ZFAT: variants seen among roughly 807,000 people sequenced by gnomAD.
ZFAT encodes zinc finger and AT-hook domain containing, also known as zinc finger protein ZFAT.
ZFAT carries 64 observed loss-of-function variants against 117.7 expected under a neutral mutation model. The observed-to-expected ratio is 0.54, with a 90% CI of 0.44 to 0.67. ZFAT has a LOEUF of 0.67. Ranked by LOEUF, ZFAT falls within the 30% of genes least tolerant of loss-of-function variation. The pLI is 0.00. For synonymous variants in ZFAT, 679 were observed against 615.0 expected (o/e 1.10, Z -1.54); for missense variants, 1,433 against 1,584.5 (o/e 0.90, Z 1.62).
the ZFAT span, among the ~76,000 whole-genome samples, chr8:134,771,869 T>C: frequency 6.6e-6 from 1 of 152,204 alleles, no homozygotes; most frequent in African/African-American, 2.4e-5. Flanking sequence ...CTCACAATCA[T>C]GGCAGAAGGC....
At chr8:134,593,915 G>A (rs1826717508) in intron 7 of ZFAT, among the ~76,000 whole-genome samples, 2 of 152,340 alleles carry the variant, frequency 1.3e-5, no homozygotes, top group South Asian at 2.1e-4. Flanking sequence ...AAAGAGATGT[G>A]TCAACACGTG....
At chr8:134,574,218 C>T (rs1360519996) in intron 10 of ZFAT, among the ~76,000 whole-genome samples, 1 of 152,096 alleles carries the variant, frequency 6.6e-6, no homozygotes, top group East Asian at 1.9e-4. Flanking sequence ...GAAGTTATTC[C>T]CAGCTGGATA....
At chr8:134,570,792 A>G (rs906666772) in intron 10 of ZFAT, among the ~76,000 whole-genome samples, 1 of 152,222 alleles carries the variant, frequency 6.6e-6, no homozygotes. Flanking sequence ...AGGAGATTGG[A>G]CTACAGTGGA....
At chr8:134,797,587 C>T in the ZFAT span, 1 of 152,216 alleles carries the variant, frequency 6.6e-6, no homozygotes, top group East Asian at 1.9e-4. Context: ...GTTATAACTG[C>T]ACCTGGATAG....
chr8:134,530,137 G>A (rs1821305925), intron 12 of ZFAT, among the ~76,000 whole-genome samples: 1 of 152,160 alleles, frequency 6.6e-6, no homozygotes, highest in Admixed American at 6.5e-5. Flanking sequence ...GATACACAAG[G>A]AATCCCTGCA....
the ZFAT span, among the ~76,000 whole-genome samples, chr8:134,734,139 G>A: frequency 2.6e-5 from 4 of 152,326 alleles, no homozygotes; most frequent in South Asian, 6.2e-4. Flanking sequence ...TCGGGGCACC[G>A]TCTGTCCTCT....
At chr8:134,617,175 C>CA (rs1392652977) in intron 3 of ZFAT, among the ~76,000 whole-genome samples, 1 of 152,168 alleles carries the variant, frequency 6.6e-6, no homozygotes, top group South Asian at 2.1e-4. Flanking sequence ...GAGAGCTTCC[C>CA]ACCTCTGCTC....
Position 134,584,016 on chromosome 8 carries a change from A to G in ZFAT, c.2714-11T>C. On this transcript the variant is annotated splice_polypyrimidine_tract_variant and intron_variant, in intron 9 of 15. Coordinates refer to ENST00000377838, the MANE Select transcript of ZFAT (RefSeq NM_020863.4). Reference sequence around the variant, plus strand: ...TGAAGGGCTTCACACCTGCCAAGGGAAAAATGTATATATCTCTATATATTT... The same window carrying G: ...TGAAGGGCTTCACACCTGCCAAGGGGAAAATGTATATATCTCTATATATTT... 1 of 1,551,162 alleles carries G rather than the reference A, an allele frequency of 6.4e-7. No homozygotes were observed. Among genetic ancestry groups the G allele is most frequent in the East Asian group, 2.4e-5 (1 of 40,936 alleles).
At chr8:134,746,014 T>A in the ZFAT span, among the ~76,000 whole-genome samples, 2 of 152,214 alleles carry the variant, frequency 1.3e-5, no homozygotes, top group Admixed American at 1.3e-4. Context: ...TCTCTGGGAC[T>A]CTGCCTAATA....
intron 1 of ZFAT, among the ~76,000 whole-genome samples, chr8:134,703,758 C>A (rs1002273019): frequency 6.6e-6 from 1 of 152,194 alleles, no homozygotes; most frequent in Non-Finnish European, 1.5e-5. Context: ...CTATCTTATT[C>A]CCCTGCAACT....
the ZFAT span, among the ~76,000 whole-genome samples, chr8:134,751,791 AAGAG>A: frequency 6.6e-6 from 1 of 152,130 alleles, no homozygotes; most frequent in Non-Finnish European, 1.5e-5. Context: ...TGGAAAATAT[AAGAG>A]AGAGAGAAGT....
At chr8:134,503,088 G>T (rs1208050172) in intron 15 of ZFAT, among the ~76,000 whole-genome samples, 1 of 152,262 alleles carries the variant, frequency 6.6e-6, no homozygotes, top group African/African-American at 2.4e-5. Flanking sequence ...CACGTAGAGT[G>T]CTGCTAACAC....
At chr8:134,568,013 A>G (rs1373137517) in intron 10 of ZFAT, among the ~76,000 whole-genome samples, 1 of 152,214 alleles carries the variant, frequency 6.6e-6, no homozygotes, top group Non-Finnish European at 1.5e-5. Flanking sequence ...TCAGCTGCCC[A>G]TGGGCAGGGA....
At chr8:134,482,540 G>C (rs946904849) in intron 15 of ZFAT, among the ~76,000 whole-genome samples, 14 of 152,272 alleles carry the variant, frequency 9.2e-5, no homozygotes, top group African/African-American at 2.6e-4. Flanking sequence ...TCTCTCATTA[G>C]TCCTCTAAAT....
intron 1 of ZFAT, among the ~76,000 whole-genome samples, chr8:134,668,648 G>C (rs1812724766): frequency 1.3e-5 from 2 of 152,142 alleles, no homozygotes; most frequent in African/African-American, 4.8e-5. Context: ...CCACAAAGAT[G>C]GGGAAAAAAC....
intron 11 of ZFAT, 170 bp downstream of exon 11, chr8:134,565,163 A>G: frequency 1.3e-6 from 2 of 1,532,686 alleles, no homozygotes; most frequent in Non-Finnish European, 1.7e-6. Flanking sequence ...CTGGAACGAG[A>G]GAGCACAAAT....
chr8:134,771,679 A>G, the ZFAT span, among the ~76,000 whole-genome samples: 2 of 152,266 alleles, frequency 1.3e-5, no homozygotes, highest in African/African-American at 4.8e-5. Flanking sequence ...ATCCCTGCCT[A>G]TTACCCAGTT....
the ZFAT span, chr8:134,796,427 G>C: frequency 3.9e-5 from 6 of 152,346 alleles, no homozygotes; most frequent in East Asian, 9.6e-4. Context: ...CTGCAGTAAA[G>C]AACTGCTGGT....
intron 1 of ZFAT, among the ~76,000 whole-genome samples, chr8:134,696,821 C>T (rs1032684249): frequency 4.6e-5 from 7 of 152,234 alleles, no homozygotes; most frequent in Admixed American, 2.0e-4. Flanking sequence ...AGGCTGCAGG[C>T]GAGAAGCGCC....
Sources: gnomAD v4.1 joint callset for allele counts (sites outside exome capture counted in the v4.1 genomes callset) on GRCh38, gnomAD v4.1.1 for gene constraint, MANE v1.5 for transcripts, NCBI Gene and HGNC (gene_info 2026-07-23, HGNC 2026-07-21) for gene names.